The following ZNF330 variants were observed in gnomAD, a reference collection of about 807,000 sequenced individuals.
The protein encoded by ZNF330 is nucleolar atypical zinc finger.
Under a neutral mutation model 45.5 loss-of-function variants are expected in ZNF330, and 31 were observed. That is an observed-to-expected ratio of 0.68 (90% confidence interval 0.51 to 0.92). ZNF330 has a LOEUF of 0.92. ZNF330 is among the 40% of genes least tolerant of loss of function. The pLI, the probability that ZNF330 is intolerant of heterozygous loss-of-function variation, is 0.00. For synonymous variants in ZNF330, 138 were observed against 123.2 expected (o/e 1.12, Z -0.79); for missense variants, 356 against 387.4 (o/e 0.92, Z 0.68).
chr4:141,222,389 T>C lies in ZNF330; in HGVS notation c.18T>C (p.Thr6=). 1 of 1,613,170 alleles carries C rather than the reference T, an allele frequency of 6.2e-7. No individual in the cohort carries two copies. Among genetic ancestry groups the C allele is most frequent in the Non-Finnish European group, 8.5e-7 (1 of 1,179,584 alleles). ...AGGGGAAAATGCCTAAAAAAAAGAC[T>C]GGTGCGAGGAAGAAGGCTGAGAACC... is the stretch of plus-strand genomic sequence containing the variant. MPKKK[T]GARKKAENRR... Residue 6 remains threonine, a synonymous_variant, in exon 2 of 10, where the codon ACT becomes ACC. Transcript: ENST00000262990.
At chr4:141,227,211 A>T (rs1728828537) in intron 5 of ZNF330, among the ~76,000 whole-genome samples, 1 of 151,432 alleles carries the variant, frequency 6.6e-6, no homozygotes, top group African/African-American at 2.4e-5. Context: ...TACATGTGCC[A>T]TGTTGGTGTG....
chr4:141,222,316 T>C lies in ZNF330; in HGVS notation c.-6-50T>C. 1.9e-6 allele frequency: 3 copies of C among 1,584,772 alleles called. No homozygotes were observed. The South Asian group carries it at 3.4e-5, about 18-fold the overall frequency. On this transcript the variant is annotated intron_variant, in intron 1 of 9. Transcript: ENST00000262990. ...ACTATTTCTTAGTTTATTAAAATAGTAAATGCAGTCAGTCAATTATATCTT... is the reference window on the plus strand; with the variant it reads ...ACTATTTCTTAGTTTATTAAAATAGCAAATGCAGTCAGTCAATTATATCTT...
At position 141,234,119 on chromosome 4, in the gene ZNF330, C is replaced by T. The variant is rs180704404; in HGVS notation, c.*130C>T. 2,634 of 1,441,310 alleles carry T rather than the reference C, an allele frequency of 1.8e-3. 5 individuals are homozygous for T. The highest frequency in any genetic ancestry group is 2.0e-3 in the Non-Finnish European group (2,170 of 1,100,734). The allele number at this position is 1,441,310 out of a possible 1,614,324, so 89.3% of individuals were successfully genotyped here. On this transcript the variant is annotated 3_prime_UTR_variant, in exon 10 of 10. Transcript: ENST00000262990. ...CAGAAGACTAGTTACACTTAATGGG[C>T]CAAGCAATAGGGTGTAGCGTTTTTA...
intron 5 of ZNF330, among the ~76,000 whole-genome samples, chr4:141,228,458 C>G (rs984761205): frequency 6.6e-6 from 1 of 152,022 alleles, no homozygotes; most frequent in African/African-American, 2.4e-5. Flanking sequence ...CATCTCACTC[C>G]GTACCAGGTT....
At position 141,229,653 on chromosome 4, in the gene ZNF330, C is replaced by T; in HGVS notation, c.374C>T (p.Thr125Ile). The change falls in exon 6 of 10, where the codon ACC (threonine) becomes ATC (isoleucine). Residue 125 changes from threonine to isoleucine, a missense_variant. Thr to Ile is a moderately conservative substitution (Grantham distance 89, BLOSUM62 -1). Coordinates refer to ENST00000262990, the MANE Select transcript of ZNF330 (RefSeq NM_014487.6). Reference sequence around the variant, plus strand: ...ACACATGCTTGTGCCTGCCCTCTTACCGATGCTGAGTGTGTTGAATGTGAA... The same window carrying T: ...ACACATGCTTGTGCCTGCCCTCTTATCGATGCTGAGTGTGTTGAATGTGAA... ...LSTHACACPL[T>I]DAECVECERG... The T allele has an allele frequency of 6.2e-7, 1 of 1,613,142 alleles. No homozygotes were observed. Among genetic ancestry groups the T allele is most frequent in the Non-Finnish European group, 8.5e-7 (1 of 1,179,332 alleles).
chr4:141,230,231 C>G lies in ZNF330; in HGVS notation c.484C>G (p.Gln162Glu). The G allele has an allele frequency of 1.9e-6, 3 of 1,611,428 alleles. No homozygotes were observed. The highest frequency in any genetic ancestry group is 2.5e-6 in the Non-Finnish European group (3 of 1,178,548). The change falls in exon 7 of 10, where the codon CAA (glutamine) becomes GAA (glutamate). Residue 162 changes from glutamine (Q) to glutamate (E), a missense_variant. Coordinates refer to ENST00000262990, the MANE Select transcript of ZNF330 (RefSeq NM_014487.6). ...FLCEDDQFEH[Q>E]ASCQVLEAET... ...CTGTGAAGATGATCAATTTGAGCATCAAGCCAGCTGCCAGGTTTTAGAGGC... is the reference window on the plus strand; with the variant it reads ...CTGTGAAGATGATCAATTTGAGCATGAAGCCAGCTGCCAGGTTTTAGAGGC...
intron 4 of ZNF330, among the ~76,000 whole-genome samples, chr4:141,226,229 A>G (rs1728800761): frequency 1.3e-5 from 2 of 152,162 alleles, no homozygotes; most frequent in African/African-American, 2.4e-5. Context: ...TTTTGTTGGG[A>G]AAATGTTTAA....
At chr4:141,222,155 A>G (rs1728694649) in intron 1 of ZNF330, among the ~76,000 whole-genome samples, 1 of 152,176 alleles carries the variant, frequency 6.6e-6, no homozygotes, top group Non-Finnish European at 1.5e-5. Context: ...TAGAATCGTT[A>G]GTGCCAATAA....
In ZNF330 at chr4:141,232,635, C is replaced by T. The variant is rs559520100; in HGVS notation, c.681C>T (p.Ser227=). The T allele has an allele frequency of 1.3e-6, 2 of 1,554,244 alleles. No homozygotes were observed. The highest frequency in any genetic ancestry group is 1.4e-5 in the African/African-American group (1 of 72,188). Residue 227 remains serine (S), a synonymous_variant, in exon 9 of 10, where the codon AGC becomes AGT. Coordinates refer to ENST00000262990, the MANE Select transcript of ZNF330 (RefSeq NM_014487.6). ...AAACTCAGGAGACTAAGGACCTTAGCATGTCAAGTAAGGCCCTTAAGATAC... is the reference window on the plus strand; with the variant it reads ...AAACTCAGGAGACTAAGGACCTTAGTATGTCAAGTAAGGCCCTTAAGATAC... ...GHETQETKDL[S]MSTRSLKFGR...
At chr4:141,223,892 A>G (rs1282476803) in intron 2 of ZNF330, 2 of 438,422 alleles carry the variant, frequency 4.6e-6, no homozygotes, top group Non-Finnish European at 9.1e-6. Flanking sequence ...GAATAAGTAA[A>G]GACATGGAGA....
chr4:141,222,405 G>T lies in ZNF330; in HGVS notation c.34G>T (p.Ala12Ser), dbSNP rs1448348815. ...AAAAAAGACTGGTGCGAGGAAGAAG[G>T]CTGAGAACCGCCGAGAACGTGAAAA... ...PKKKTGARKK[A>S]ENRREREKQL... Residue 12 changes from alanine to serine, a missense_variant, in exon 2 of 10, where the codon GCT becomes TCT. Physicochemically the swap from Ala to Ser is moderately conservative, Grantham distance 99 (BLOSUM62 1). Coordinates refer to ENST00000262990, the MANE Select transcript of ZNF330 (RefSeq NM_014487.6). The T allele has an allele frequency of 1.2e-6, 2 of 1,613,540 alleles. No homozygotes were observed. The highest frequency in any genetic ancestry group is 1.1e-5 in the South Asian group (1 of 91,018).
chr4:141,229,507 G>A, intron 5 of ZNF330, 64 bp from the exon 6 acceptor site: 3 of 1,600,464 alleles, frequency 1.9e-6, no homozygotes, highest in Non-Finnish European at 2.6e-6. Flanking sequence ...TGGTTGCCGT[G>A]GTTAAAGAAT....
intron 1 of ZNF330, 57 bp downstream of exon 1, chr4:141,221,165 CGCCT>C (rs1460971314): frequency 6.6e-6 from 1 of 152,396 alleles, no homozygotes; most frequent in Non-Finnish European, 1.5e-5. Context: ...GTCCCCGAGC[CGCCT>C]GGCACCTCCG....
chr4:141,228,368 A>G (rs1728860091), intron 5 of ZNF330, among the ~76,000 whole-genome samples: 1 of 152,032 alleles, frequency 6.6e-6, no homozygotes, highest in Admixed American at 6.6e-5. Flanking sequence ...TAGAAAAGTG[A>G]TTTTCTGGAT....
In ZNF330 at chr4:141,224,599, A is replaced by G. The variant is rs760827591; in HGVS notation, c.141-8A>G. The G allele has an allele frequency of 2.5e-6, 4 of 1,613,322 alleles. No individual in the cohort carries two copies. The highest frequency in any genetic ancestry group is 3.4e-6 in the Non-Finnish European group (4 of 1,179,538). On this transcript the variant is annotated splice_polypyrimidine_tract_variant and splice_region_variant and intron_variant, in intron 3 of 9. Transcript: ENST00000262990. ...ACCATAATTTAAAATTTTATTTTAC[A>G]TGACAAGGCGGCAGAAGAATAGAGC...
rs1221390580 is a variant in ZNF330 at position 141,220,978 on chromosome 4, G to A, written c.-137G>A. 1.3e-5 allele frequency: 2 copies of A among 152,326 alleles called. No homozygotes were observed. Among genetic ancestry groups the A allele is most frequent in the Non-Finnish European group, 2.9e-5 (2 of 68,104 alleles). The allele number at this position is 152,326 out of a possible 1,614,324, so 9.4% of individuals were successfully genotyped here. ...CCTGGCTGTTAGTACCTTCTTTCCC[G>A]GAGTCCTGGTCCACGAGTTGGATTT... is the stretch of plus-strand genomic sequence containing the variant. On this transcript the variant is annotated 5_prime_UTR_variant, in exon 1 of 10. Transcript: ENST00000262990.
intron 9 of ZNF330, 117 bp from the exon 10 acceptor site, chr4:141,233,598 C>A: frequency 7.0e-7 from 1 of 1,427,804 alleles, no homozygotes; most frequent in Non-Finnish European, 9.2e-7. Context: ...AAAATGTGAC[C>A]TATTTTTTCA....
At chr4:141,225,475 A>G (rs1341525992) in intron 4 of ZNF330, among the ~76,000 whole-genome samples, 2 of 143,890 alleles carry the variant, frequency 1.4e-5, no homozygotes, top group African/African-American at 5.6e-5. Context: ...TAACTTTATT[A>G]CTCTAGATTT....
chr4:141,233,718 G>T lies in ZNF330; in HGVS notation c.692G>T (p.Arg231Leu). 1 of 1,612,634 alleles carries T rather than the reference G, an allele frequency of 6.2e-7. No homozygotes were observed. Among genetic ancestry groups the T allele is most frequent in the South Asian group, 1.1e-5 (1 of 90,938 alleles). ...QETKDLSMST[R>L]SLKFGRQTGG... ...TGTACTTGTCTGTCTTCTATAGCAC[G>T]CTCCCTGAAATTTGGCAGGCAGACT... is the stretch of plus-strand genomic sequence containing the variant. Residue 231 changes from arginine to leucine, a missense_variant, in exon 10 of 10, where the codon CGC becomes CTC. Physicochemically the swap from Arg to Leu is moderately radical, Grantham distance 102. Coordinates refer to ENST00000262990, the MANE Select transcript of ZNF330 (RefSeq NM_014487.6).
Sources: gnomAD v4.1 joint callset for allele counts (sites outside exome capture counted in the v4.1 genomes callset) on GRCh38, gnomAD v4.1.1 for gene constraint, MANE v1.5 for transcripts, NCBI Gene and HGNC (gene_info 2026-07-23, HGNC 2026-07-21) for gene names.